Variants in NRAP observed in about 807,000 individuals in gnomAD.
NRAP encodes nebulin-related-anchoring protein.
A neutral mutation model predicts 225.9 loss-of-function variants in NRAP; 189 were observed. That is an observed-to-expected ratio of 0.84 (90% CI 0.74 to 0.94). NRAP has a LOEUF of 0.94. Ranked by LOEUF, NRAP falls within the 40% of genes least tolerant of loss-of-function variation. The pLI is 0.00. For synonymous variants in NRAP, 769 were observed against 790.7 expected, an observed-to-expected ratio of 0.97 and a Z score of 0.46; for missense variants, 2,176 against 2,168.7, an observed-to-expected ratio of 1.00 and a Z score of -0.07.
intron 37 of NRAP, among the ~76,000 whole-genome samples, chr10:113,596,165 CTTT>C (rs900470354): frequency 1.3e-5 from 2 of 152,138 alleles, no homozygotes; most frequent in Non-Finnish European, 2.9e-5. Context: ...TTAATAAGTT[CTTT>C]TTGTTATAAA....
Position 113,650,455 on chromosome 10 carries a change from T to C in NRAP, c.766A>G (p.Asn256Asp). 1 of 1,612,984 alleles carries C rather than the reference T, an allele frequency of 6.2e-7. No individual in the cohort carries two copies. Among genetic ancestry groups the C allele is most frequent in the Non-Finnish European group, 8.5e-7 (1 of 1,178,952 alleles). ...TPAYQIAKRA[N>D]ELASDVRYHQ... ...ACACTTACATCACTTGCCAGCTCAT[T>C]GGCTCTTTTGGCTATCTGATAGGCG... Residue 256 changes from asparagine to aspartate, a missense_variant, in exon 8 of 42, where the codon AAT becomes GAT. Asn to Asp is a conservative substitution (Grantham distance 23). Transcript: ENST00000359988.
rs1268504218 is a variant in NRAP at position 113,633,483 on chromosome 10, C to T, written c.1528-295G>A. The stretch of plus-strand genomic sequence containing the variant: ...TGAGAATATTGAACTTTTTAAAAAA[C>T]ATTTGCTGCAGTGCTGAATATCTTG... On this transcript the variant is annotated intron_variant, in intron 15 of 41. Transcript: ENST00000359988. 5.3e-5 allele frequency among the ~76,000 whole-genome samples: 8 copies of T among 152,176 alleles called. 1 individual carries two copies. Among genetic ancestry groups the T allele is most frequent in the African/African-American group, 1.9e-4 (8 of 41,430 alleles).
At chr10:113,659,124 T>C (rs905579751) in intron 3 of NRAP, among the ~76,000 whole-genome samples, 4 of 152,216 alleles carry the variant, frequency 2.6e-5, no homozygotes, top group African/African-American at 7.2e-5. Flanking sequence ...GCTTTTTCCT[T>C]GTATTTTTAG....
chr10:113,604,212 G>A (rs1189489234), intron 35 of NRAP, among the ~76,000 whole-genome samples: 1 of 152,164 alleles, frequency 6.6e-6, no homozygotes, highest in Non-Finnish European at 1.5e-5. Context: ...TGCCTCTCGG[G>A]TTCAAGCGAT....
intron 32 of NRAP, among the ~76,000 whole-genome samples, chr10:113,607,275 G>A (rs1189360133): frequency 6.0e-5 from 9 of 150,904 alleles, no homozygotes; most frequent in East Asian, 3.9e-4. Context: ...GGTGGCAGGC[G>A]CCTGTAACCC....
chr10:113,622,550 T>C (rs554993300), intron 23 of NRAP, among the ~76,000 whole-genome samples: 4 of 152,222 alleles, frequency 2.6e-5, no homozygotes, highest in East Asian at 1.9e-4. Flanking sequence ...AAGGAGCACA[T>C]TGTTTGAAAA....
Position 113,657,473 on chromosome 10 carries a change from A to G in NRAP, c.357T>C (p.Asn119=), listed in dbSNP as rs368991050. 1.9e-6 allele frequency: 3 copies of G among 1,544,070 alleles called. No homozygotes were observed. The highest frequency in any genetic ancestry group is 2.2e-5 in the East Asian group (1 of 44,520). Residue 119 remains asparagine, a synonymous_variant, in exon 4 of 42, where the codon AAT becomes AAC. Coordinates refer to ENST00000359988, the MANE Select transcript of NRAP (RefSeq NM_198060.4). Reference sequence around the variant, plus strand: ...CCACTTGTCACTTTTCTCTCACCTCATTTGCCAGTGGCTGCCTGTTAGGTG... The same window carrying G: ...CCACTTGTCACTTTTCTCTCACCTCGTTTGCCAGTGGCTGCCTGTTAGGTG... The part of the protein sequence containing the change: ...EGAPNRQPLA[N]ERAYWTGYGE...
rs1564707609 is a variant in NRAP at position 113,606,296 on chromosome 10, A to C, written c.3703-14T>G. ...TTTATAGAGGCGCTAGGCCAAAAAA[A>C]TATAATAATAATAATGCAAGAGATA... On this transcript the variant is annotated splice_polypyrimidine_tract_variant and intron_variant, in intron 32 of 41. Transcript: ENST00000359988. The C allele has an allele frequency of 8.2e-6, 12 of 1,460,094 alleles. No individual in the cohort carries two copies. Among genetic ancestry groups the C allele is most frequent in the African/African-American group, 1.4e-5 (1 of 71,846 alleles). 90.4% of individuals were successfully genotyped at this position (1,460,094 alleles called of 1,614,324 possible).
intron 8 of NRAP, 110 bp from the exon 9 acceptor site, chr10:113,650,251 G>C (rs1849860985): frequency 1.2e-6 from 1 of 811,042 alleles, no homozygotes; most frequent in South Asian, 1.5e-5. Flanking sequence ...TGGATCTAGG[G>C]AGTAGGTATG....
chr10:113,616,188 T>C (rs3121454), intron 26 of NRAP, among the ~76,000 whole-genome samples: 9,241 of 152,256 alleles, frequency 0.061, 395 homozygotes, highest in Non-Finnish European at 0.089. Flanking sequence ...AGATGGCTCT[T>C]GTACAGGTGA....
Position 113,631,719 on chromosome 10 carries a change from G to A in NRAP, c.1741-109C>T, listed in dbSNP as rs1848593683. On this transcript the variant is annotated intron_variant, in intron 17 of 41. Coordinates refer to ENST00000359988, the MANE Select transcript of NRAP (RefSeq NM_198060.4). ...AACAATTCTGAAAAAACACCTCCCA[G>A]TCTTTCACAAATCCAGAAGAAGATT... The A allele has an allele frequency of 6.7e-6, 6 of 898,304 alleles. No homozygotes were observed. In the South Asian group the frequency reaches 7.5e-5, roughly 11 times the overall value. 55.6% of individuals were successfully genotyped at this position (898,304 alleles called of 1,614,324 possible).
intron 37 of NRAP, among the ~76,000 whole-genome samples, chr10:113,596,027 T>C (rs962784967): frequency 1.3e-5 from 2 of 152,206 alleles, no homozygotes. Context: ...TTTTACACAG[T>C]AGAAGATGTG....
Position 113,590,505 on chromosome 10 carries a change from G to A in NRAP, c.4956+73C>T, listed in dbSNP as rs11575796. Reference sequence around the variant, plus strand: ...CTCCCCCAGAAGCTAACAATGGAACGTGGCATTATGGCCATCTCTTAGGAA... The same window carrying A: ...CTCCCCCAGAAGCTAACAATGGAACATGGCATTATGGCCATCTCTTAGGAA... On this transcript the variant is annotated intron_variant, in intron 40 of 41. Coordinates refer to ENST00000359988, the MANE Select transcript of NRAP (RefSeq NM_198060.4). 904 of 1,439,094 alleles carry A rather than the reference G, an allele frequency of 6.3e-4. 3 individuals carry two copies. The African/African-American group carries it at 0.011, about 18-fold the overall frequency. 89.1% of individuals were successfully genotyped at this position (1,439,094 alleles called of 1,614,324 possible).
chr10:113,597,026 G>A lies in NRAP; in HGVS notation c.4431+60C>T, dbSNP rs371183686. On this transcript the variant is annotated intron_variant, in intron 37 of 41. Transcript: ENST00000359988. The stretch of plus-strand genomic sequence containing the variant: ...GTCCAGAGCCTGTGTTCTTAGACCC[G>A]GACCACTGAGCAGCAGTGCTACACT... 1.2e-4 allele frequency: 137 copies of A among 1,130,762 alleles called. 2 individuals are homozygous for A. The highest frequency in any genetic ancestry group is 1.2e-3 in the Middle Eastern group (6 of 5,102). The allele number at this position is 1,130,762 out of a possible 1,614,324, so 70.0% of individuals were successfully genotyped here. A position where few individuals can be genotyped will look rare whatever the true frequency, so the allele number is the denominator to read the frequency against.
chr10:113,610,378 G>GAAA, intron 31 of NRAP, 81 bp downstream of exon 31: 2 of 544,494 alleles, frequency 3.7e-6, no homozygotes, highest in Non-Finnish European at 6.3e-6. Flanking sequence ...AAAAAAGGAA[G>GAAA]AAAGAAAAAG....
rs1231172769 is a variant in NRAP at position 113,622,004 on chromosome 10, G to T, written c.2634C>A (p.Val878=). 1.9e-6 allele frequency: 3 copies of T among 1,614,210 alleles called. No homozygotes were observed. Among genetic ancestry groups the T allele is most frequent in the Non-Finnish European group, 2.5e-6 (3 of 1,180,022 alleles). ...GAGCTTTGCGGGCATGCACGAGGTG[G>T]ACCATGTCCAGGGAGACGTGGCATT... is the stretch of plus-strand genomic sequence containing the variant. ...KSQCHVSLDM[V]HLVHARKAQH... The change falls in exon 24 of 42, where the codon GTC becomes GTA. Residue 878 remains valine, a synonymous_variant. Coordinates refer to ENST00000359988, the MANE Select transcript of NRAP (RefSeq NM_198060.4).
At chr10:113,634,016 T>A (rs1310322036) in intron 15 of NRAP, 96 bp downstream of exon 15, 1 of 794,276 alleles carries the variant, frequency 1.3e-6, no homozygotes, top group Admixed American at 2.1e-5. Context: ...GTGTCACAAT[T>A]TATGAAAGTC....
Position 113,621,058 on chromosome 10 carries a change from C to T in NRAP, c.2770-350G>A, listed in dbSNP as rs113420981. Reference sequence around the variant, plus strand: ...CAGTTTTCTTGTTTAAAATGACACACGGGGGACAAGAAAATGAGAATTCAC... The same window carrying T: ...CAGTTTTCTTGTTTAAAATGACACATGGGGGACAAGAAAATGAGAATTCAC... On this transcript the variant is annotated intron_variant, in intron 24 of 41. Coordinates refer to ENST00000359988, the MANE Select transcript of NRAP (RefSeq NM_198060.4). Among the ~76,000 whole-genome samples, 1,034 of 152,238 alleles carry T rather than the reference C, an allele frequency of 6.8e-3. 15 individuals are homozygous for T. Among genetic ancestry groups the T allele is most frequent in the African/African-American group, 0.024 (986 of 41,532 alleles).
In NRAP at chr10:113,608,495, A is replaced by T. The variant is rs761947591; in HGVS notation, c.3621T>A (p.His1207Gln). Reference sequence around the variant, plus strand: ...CAGCTGTGTACTTGAATGAGTGGGGATGCTGCCGATATTTACTCTGAATTC... The same window carrying T: ...CAGCTGTGTACTTGAATGAGTGGGGTTGCTGCCGATATTTACTCTGAATTC... ...ELISESKYRQ[H>Q]PHSFKYTAVT... The change falls in exon 32 of 42, where the codon CAT (histidine) becomes CAA (glutamine). Residue 1207 changes from histidine to glutamine, a missense_variant. His to Gln is a conservative substitution (Grantham distance 24). Coordinates refer to ENST00000359988, the MANE Select transcript of NRAP (RefSeq NM_198060.4). 2 of 1,611,354 alleles carry T rather than the reference A, an allele frequency of 1.2e-6. No individual in the cohort carries two copies. Among genetic ancestry groups the T allele is most frequent in the East Asian group, 2.2e-5 (1 of 44,870 alleles).
Sources: allele counts gnomAD v4.1 joint callset (sites outside exome capture counted in the v4.1 genomes callset), GRCh38; gene constraint gnomAD v4.1.1; transcripts MANE v1.5; gene names NCBI Gene and HGNC (gene_info 2026-07-23, HGNC 2026-07-21).